The following FAT1 variants were observed in gnomAD, a reference collection of about 807,000 sequenced individuals.
FAT1 encodes FAT atypical cadherin 1.
In FAT1, 171 loss-of-function variants were observed where a neutral mutation model predicts 329.8. The ratio of observed to expected loss-of-function variants is 0.52; its 90% confidence interval spans 0.46 to 0.59. The LOEUF is 0.59. FAT1 is among the 20% of genes least tolerant of loss of function. The probability of loss-of-function intolerance (pLI) is 0.00; values close to 1 mark genes in which losing one functional copy is unlikely to be tolerated. For missense variants in FAT1, 5,672 were observed against 5,774.4 expected, an observed-to-expected ratio of 0.98 and a Z score of 0.57; for synonymous variants, 2,233 against 2,228.6, an observed-to-expected ratio of 1.00 and a Z score of -0.06.
chr4:186,652,678 GTCCTT>G (rs1741720819), intron 3 of FAT1, among the ~76,000 whole-genome samples: 2 of 152,008 alleles, frequency 1.3e-5, no homozygotes. Context: ...CGACTGGCCC[GTCCTT>G]TCCTTCCTTT....
intron 2 of FAT1, among the ~76,000 whole-genome samples, chr4:186,680,278 T>C (rs1743149023): frequency 6.6e-6 from 1 of 152,184 alleles, no homozygotes; most frequent in Non-Finnish European, 1.5e-5. Flanking sequence ...GGTACCAGTG[T>C]TGAGAAGCAA....
rs959617633 is a variant in FAT1, at chr4:186,617,282, A to T, written c.8879-81T>A. The T allele has an allele frequency of 2.1e-5, 20 of 963,752 alleles. No individual in the cohort carries two copies. The Admixed American group carries it at 3.3e-4, about 16-fold the overall frequency. 59.7% of individuals were successfully genotyped at this position (963,752 alleles called of 1,614,324 possible). A position where few individuals can be genotyped will look rare whatever the true frequency, so the allele number is the denominator to read the frequency against. The stretch of plus-strand genomic sequence containing the variant: ...GTAACAGAAAAAATAAACTGTACAA[A>T]AGATGTATAATGTTATAGTTTAAAA... On this transcript the variant is annotated intron_variant, in intron 10 of 26. Transcript: ENST00000441802.
chr4:186,724,710 G>C (rs1318762229), upstream of FAT1, among the ~76,000 whole-genome samples: 1 of 152,190 alleles, frequency 6.6e-6, no homozygotes, highest in Admixed American at 6.5e-5. This position sits in a 1 kb window ranked among gnomAD's most constrained non-coding sequence, Gnocchi z 5.3. Context: ...TGCGGGCAGG[G>C]CTCCAGCCGC....
At chr4:186,634,109 T>C (rs1740715382) in intron 6 of FAT1, among the ~76,000 whole-genome samples, 1 of 152,202 alleles carries the variant, frequency 6.6e-6, no homozygotes, top group East Asian at 1.9e-4. Flanking sequence ...TTCAATTTGC[T>C]TTTTCAGGGG....
At chr4:186,625,464 C>T (rs1017125587) in intron 9 of FAT1, among the ~76,000 whole-genome samples, 12 of 152,148 alleles carry the variant, frequency 7.9e-5, no homozygotes, top group African/African-American at 2.9e-4. Context: ...ACCTAGAACA[C>T]ATCAGTAAGT....
intron 4 of FAT1, among the ~76,000 whole-genome samples, chr4:186,638,215 T>C (rs1210809722): frequency 2.0e-5 from 3 of 152,206 alleles, no homozygotes; most frequent in African/African-American, 7.2e-5. Context: ...AAGGGAAAAT[T>C]TATTTCCCAT....
rs2126684146 is a variant in FAT1, at chr4:186,706,934, C to T, written c.2894G>A (p.Ser965Asn). ...DLGQSGQVRY[S>N]LLDHGEGNFD... ...GTTTCCTTCTCCGTGGTCCAGAAGG[C>T]TGTATCTCACCTGACCAGACTGACC... Residue 965 changes from serine (S) to asparagine (N), a missense_variant, in exon 2 of 27, where the codon AGC (serine) becomes AAC (asparagine). Coordinates refer to ENST00000441802, the MANE Select transcript of FAT1 (RefSeq NM_005245.4). 6.2e-7 allele frequency: 1 copy of T among 1,614,022 alleles called. No individual in the cohort carries two copies. The highest frequency in any genetic ancestry group is 8.5e-7 in the Non-Finnish European group (1 of 1,179,888).
Position 186,628,349 on chromosome 4 carries a change from C to A in FAT1, c.4615G>T (p.Val1539Leu). 1 of 1,612,798 alleles carries A rather than the reference C, an allele frequency of 6.2e-7. No homozygotes were observed. Among genetic ancestry groups the A allele is most frequent in the African/African-American group, 1.3e-5 (1 of 75,014 alleles). Reference sequence around the variant, plus strand: ...CTTGCAAAGTTGCGTTTTACAGGCACATCTTGATCTCGTACCTAAAAAGAA... The same window carrying A: ...CTTGCAAAGTTGCGTTTTACAGGCAAATCTTGATCTCGTACCTAAAAAGAA... ...TLTVMVRDQD[V>L]PVKRNFARIV... The change falls in exon 9 of 27, where the codon GTG becomes TTG. Residue 1539 changes from valine to leucine, a missense_variant. By Grantham distance (32) the Val-to-Leu change is conservative. This residue lies in a region of FAT1 where 3,966 missense variants were observed against 3,915.2 expected (regional missense o/e 1.01). Coordinates refer to ENST00000441802, the MANE Select transcript of FAT1 (RefSeq NM_005245.4).
chr4:186,606,966 T>C (rs1251866547), intron 16 of FAT1, among the ~76,000 whole-genome samples: 1 of 152,216 alleles, frequency 6.6e-6, no homozygotes, highest in Admixed American at 6.5e-5. Context: ...GCTAGCTCCT[T>C]TGGTATCTCA....
intron 9 of FAT1, 97 bp from the exon 10 acceptor site, chr4:186,621,872 A>G (rs2126528816): frequency 1.3e-6 from 1 of 768,128 alleles, no homozygotes; most frequent in African/African-American, 1.8e-5. Context: ...TAAAAATTAT[A>G]TTCTGAAATT....
chr4:186,696,691 T>A (rs1053162240), intron 2 of FAT1, among the ~76,000 whole-genome samples: 2 of 152,202 alleles, frequency 1.3e-5, no homozygotes, highest in Non-Finnish European at 2.9e-5. Context: ...CAGGGCTATT[T>A]TCCATAGAGG....
intron 7 of FAT1, 129 bp downstream of exon 7, chr4:186,633,555 C>T (rs1294779538): frequency 2.4e-5 from 21 of 882,576 alleles, no homozygotes; most frequent in Non-Finnish European, 3.7e-5. Context: ...TCTTAGTGTG[C>T]ATGTGTGTAA....
At chr4:186,679,780 T>C (rs1446951372) in intron 2 of FAT1, among the ~76,000 whole-genome samples, 2 of 152,234 alleles carry the variant, frequency 1.3e-5, no homozygotes, top group African/African-American at 2.4e-5. Context: ...TGGATTGAGA[T>C]TGCCTTTTCA....
At chr4:186,622,856 T>C (rs1472420250) in intron 9 of FAT1, among the ~76,000 whole-genome samples, 1 of 152,218 alleles carries the variant, frequency 6.6e-6, no homozygotes. Flanking sequence ...CCAAATGAAC[T>C]ATTATACTTA....
At chr4:186,603,073 C>G in intron 19 of FAT1, 39 bp from the exon 20 acceptor site, 1 of 1,613,042 alleles carries the variant, frequency 6.2e-7, no homozygotes, top group Non-Finnish European at 8.5e-7. Flanking sequence ...AGATAATTAA[C>G]AGACATTTCA....
At chr4:186,721,405 T>C (rs1398919929) in intron 1 of FAT1, among the ~76,000 whole-genome samples, 1 of 152,240 alleles carries the variant, frequency 6.6e-6, no homozygotes. Flanking sequence ...TGTCTAAGGA[T>C]AAATAAGCAC....
chr4:186,616,681 C>G (rs1294918967), intron 11 of FAT1, among the ~76,000 whole-genome samples: 1 of 152,176 alleles, frequency 6.6e-6, no homozygotes, highest in Non-Finnish European at 1.5e-5. Flanking sequence ...ACTTTGTTTC[C>G]CGTCAGATCC....
intron 3 of FAT1, among the ~76,000 whole-genome samples, chr4:186,658,891 C>T (rs987052697): frequency 6.6e-6 from 1 of 152,182 alleles, no homozygotes; most frequent in African/African-American, 2.4e-5. Flanking sequence ...CTGCACACAT[C>T]TGTTCTTCTT....
rs751704510 is a variant in FAT1, at chr4:186,708,399, G to A, written c.1429C>T (p.Pro477Ser). The A allele has an allele frequency of 2.5e-6, 4 of 1,613,914 alleles. No individual in the cohort carries two copies. The East Asian group carries it at 8.9e-5, about 36-fold the overall frequency. Residue 477 changes from proline to serine, a missense_variant, in exon 2 of 27, where the codon CCC becomes TCC. Pro to Ser is a moderately conservative substitution (Grantham distance 74). This residue lies in a region of FAT1 where 3,966 missense variants were observed against 3,915.2 expected (regional missense o/e 1.01). Coordinates refer to ENST00000441802, the MANE Select transcript of FAT1 (RefSeq NM_005245.4). ...AYKAAFDENVPIGTTVMSLSA... is the reference protein window; with the variant it reads ...AYKAAFDENVSIGTTVMSLSA... ...AGGCTCATGACAGTAGTACCAATGG[G>A]CACGTTCTCATCAAAAGCAGCTTTG...
Sources: gnomAD v4.1 joint callset for allele counts (sites outside exome capture counted in the v4.1 genomes callset) on GRCh38, gnomAD v4.1.1 for gene constraint, gnomAD v4.1.1 regional missense constraint, Gnocchi (gnomAD v3.1) non-coding constraint, MANE v1.5 for transcripts, NCBI Gene and HGNC (gene_info 2026-07-23, HGNC 2026-07-21) for gene names.